Variants in CFAP97 observed in about 807,000 individuals in gnomAD.
CFAP97 encodes the protein cilia- and flagella-associated protein 97.
CFAP97 carries 36 observed loss-of-function variants against 43.1 expected under a neutral mutation model. That is an observed-to-expected ratio of 0.84 (90% confidence interval 0.64 to 1.10). CFAP97 has a LOEUF of 1.10. CFAP97 is among the 50% of genes least tolerant of loss of function. CFAP97 has a pLI of 0.00. For missense variants in CFAP97, 657 were observed against 620.3 expected (o/e 1.06, Z -0.63); for synonymous variants, 228 against 225.7 (o/e 1.01, Z -0.09).
intron 2 of CFAP97, chr4:185,182,646 C>G (rs1049591118): frequency 6.6e-6 from 1 of 152,212 alleles, no homozygotes; most frequent in Non-Finnish European, 1.5e-5. Flanking sequence ...GTCGGTAACA[C>G]CCAGAAGCCT....
At position 185,198,357 on chromosome 4, in the gene CFAP97, C is replaced by T. The variant is rs570426347; in HGVS notation, c.-17+5541G>A. 4.0e-5 allele frequency among the ~76,000 whole-genome samples: 6 copies of T among 151,644 alleles called. No homozygotes were observed. In the South Asian group the frequency reaches 1.3e-3, roughly 32 times the overall value. On this transcript the variant is annotated intron_variant, in intron 1 of 4. Coordinates refer to ENST00000458385, the MANE Select transcript of CFAP97 (RefSeq NM_020827.3). ...ACTTGGGAGGCTGAGGCACAAGAAT[C>T]CTTTGAACTGGGAAGGCAGAAGCTG...
rs1461132835 is a variant in CFAP97 at position 185,161,204 on chromosome 4, A to G, written c.*1594T>C. ...CATCGAATAACATTGAATGAAAATT[A>G]TGGCCCCCAAAAGCAGAACCTCAAA... On this transcript the variant is annotated 3_prime_UTR_variant, in exon 5 of 5. Transcript: ENST00000458385. The G allele has an allele frequency of 6.6e-6, 1 of 152,160 alleles. No individual in the cohort carries two copies. Among genetic ancestry groups the G allele is most frequent in the Non-Finnish European group, 1.5e-5 (1 of 68,028 alleles). The allele number at this position is 152,160 out of a possible 1,614,324, so 9.4% of individuals were successfully genotyped here.
chr4:185,196,021 A>C (rs1261898866), intron 1 of CFAP97, among the ~76,000 whole-genome samples: 1 of 152,220 alleles, frequency 6.6e-6, no homozygotes, highest in Non-Finnish European at 1.5e-5. Flanking sequence ...TTGCAATTAA[A>C]AATTTTAAAT....
Position 185,162,824 on chromosome 4 carries a change from G to A in CFAP97, c.1573C>T (p.Pro525Ser). The A allele has an allele frequency of 6.2e-7, 1 of 1,613,116 alleles. No individual in the cohort carries two copies. Among genetic ancestry groups the A allele is most frequent in the South Asian group, 1.1e-5 (1 of 90,700 alleles). The change falls in exon 5 of 5, where the codon CCT (proline) becomes TCT (serine). Residue 525 changes from proline to serine, a missense_variant. Physicochemically the swap from Pro to Ser is moderately conservative, Grantham distance 74. Coordinates refer to ENST00000458385, the MANE Select transcript of CFAP97 (RefSeq NM_020827.3). ...SGHPRRRPKPPNVRTAWL is the reference protein window; with the variant it reads ...SGHPRRRPKPSNVRTAWL ...TATAACCAAGCTGTACGGACATTAG[G>A]GGGTTTAGGTCTTCTTCGAGGGTGG...
intron 3 of CFAP97, among the ~76,000 whole-genome samples, chr4:185,165,367 G>T (rs1164786121): frequency 8.4e-6 from 1 of 118,410 alleles, no homozygotes; most frequent in African/African-American, 3.1e-5. Flanking sequence ...CAATAACATG[G>T]TAATTTTTTT....
At position 185,162,668 on chromosome 4, in the gene CFAP97, A is replaced by G. The variant is rs970888391; in HGVS notation, c.*130T>C. 16 of 976,318 alleles carry G rather than the reference A, an allele frequency of 1.6e-5. No individual in the cohort carries two copies. Among genetic ancestry groups the G allele is most frequent in the Non-Finnish European group, 2.4e-5 (16 of 659,682 alleles). 60.5% of individuals were successfully genotyped at this position (976,318 alleles called of 1,614,324 possible). ...ATAATTTTGCACTGAATAACAATAC[A>G]TTACAACTCACTGTTGTACACCTTC... On this transcript the variant is annotated 3_prime_UTR_variant, in exon 5 of 5. Coordinates refer to ENST00000458385, the MANE Select transcript of CFAP97 (RefSeq NM_020827.3).
At position 185,190,510 on chromosome 4, in the gene CFAP97, C is replaced by T. The variant is rs769383688; in HGVS notation, c.687G>A (p.Ser229=). The change falls in exon 2 of 5, where the codon TCG becomes TCA. Residue 229 remains serine (S), a synonymous_variant. Transcript: ENST00000458385. ...PKHKYKSGIK[S]TETQPSSTTP... ...TAGTACTTGAAGGCTGTGTTTCTGTCGATTTTATTCCTGATTTATACTTGT... is the reference window on the plus strand; with the variant it reads ...TAGTACTTGAAGGCTGTGTTTCTGTTGATTTTATTCCTGATTTATACTTGT... The T allele has an allele frequency of 4.3e-6, 7 of 1,613,712 alleles. No individual in the cohort carries two copies. Among genetic ancestry groups the T allele is most frequent in the African/African-American group, 2.7e-5 (2 of 74,886 alleles).
chr4:185,207,911 A>C (rs926396128), upstream of CFAP97: 14 of 152,226 alleles, frequency 9.2e-5, no homozygotes, highest in African/African-American at 3.1e-4. Context: ...TAAATTTATC[A>C]TAAAGAATTC....
Position 185,192,948 on chromosome 4 carries a change from T to G in CFAP97, c.-16-1736A>C, listed in dbSNP as rs554700052. 2.6e-4 allele frequency among the ~76,000 whole-genome samples: 39 copies of G among 152,130 alleles called. No individual in the cohort carries two copies. In the Middle Eastern group the frequency reaches 0.01, roughly 40 times the overall value. On this transcript the variant is annotated intron_variant, in intron 1 of 4. Coordinates refer to ENST00000458385, the MANE Select transcript of CFAP97 (RefSeq NM_020827.3). The stretch of plus-strand genomic sequence containing the variant: ...GTAGAGACGGGGTTTCACCGTGTTA[T>G]CCAGGATGGCCTGGATCTCCTGACC...
intron 2 of CFAP97, among the ~76,000 whole-genome samples, chr4:185,178,370 C>A (rs776356880): frequency 1.3e-5 from 2 of 150,476 alleles, no homozygotes; most frequent in Non-Finnish European, 2.9e-5. Flanking sequence ...GCCTCAGCCT[C>A]CTGAGTAGCT....
intron 4 of CFAP97, 108 bp from the exon 5 acceptor site, chr4:185,163,033 C>A: frequency 1.0e-6 from 1 of 967,768 alleles, no homozygotes; most frequent in East Asian, 3.2e-5. Flanking sequence ...TGCTATGATT[C>A]TCGACTAGGA....
rs573746441 is a variant in CFAP97, at chr4:185,195,122, C to T, written c.-16-3910G>A. On this transcript the variant is annotated intron_variant, in intron 1 of 4. Transcript: ENST00000458385. ...AGAGGAAAATGAATAAATAAAATGT[C>T]GTGTAAGCACATATCTGCCAAAAAG... Among the ~76,000 whole-genome samples the T allele has an allele frequency of 2.6e-5, 4 of 152,206 alleles. No individual in the cohort carries two copies. In the South Asian group the frequency reaches 6.2e-4, roughly 24 times the overall value.
chr4:185,169,551 T>A (rs561657665), intron 3 of CFAP97: 1 of 930,410 alleles, frequency 1.1e-6, no homozygotes, highest in African/African-American at 1.8e-5. Context: ...TACAGCAGTA[T>A]GAAAATGGAC....
At position 185,189,260 on chromosome 4, in the gene CFAP97, A is replaced by G. The variant is rs191558197; in HGVS notation, c.1054+883T>C. On this transcript the variant is annotated intron_variant, in intron 2 of 4. Transcript: ENST00000458385. ...TCAAAAACAAAAAACAAAACCTACA[A>G]AAGTGGCAACATCAAGTGTGAACTG... Among the ~76,000 whole-genome samples the G allele has an allele frequency of 2.0e-5, 3 of 152,272 alleles. No individual in the cohort carries two copies. In the East Asian group the frequency reaches 5.8e-4, roughly 29 times the overall value.
In CFAP97 at chr4:185,162,360, A is replaced by C. The variant is rs1310596180; in HGVS notation, c.*438T>G. 5.9e-6 allele frequency: 1 copy of C among 168,796 alleles called. No individual in the cohort carries two copies. The highest frequency in any genetic ancestry group is 1.3e-5 in the Non-Finnish European group (1 of 78,436). The allele number at this position is 168,796 out of a possible 1,614,324, so 10.5% of individuals were successfully genotyped here. A position where few individuals can be genotyped will look rare whatever the true frequency, so the allele number is the denominator to read the frequency against. On this transcript the variant is annotated 3_prime_UTR_variant, in exon 5 of 5. Coordinates refer to ENST00000458385, the MANE Select transcript of CFAP97 (RefSeq NM_020827.3). ...AAATCTCATACAATCGAGCTATGTC[A>C]TGCCACATAAGTTCTAAAGCAAATG...
chr4:185,168,042 T>C (rs1478951751), intron 3 of CFAP97, among the ~76,000 whole-genome samples: 1 of 151,610 alleles, frequency 6.6e-6, no homozygotes, highest in Non-Finnish European at 1.5e-5. Flanking sequence ...ATTAGTGGTA[T>C]TGTTAATATT....
intron 2 of CFAP97, among the ~76,000 whole-genome samples, chr4:185,183,185 AATATGGCTGTTAACTTG>A (rs1281513375): frequency 6.6e-6 from 1 of 152,190 alleles, no homozygotes; most frequent in Non-Finnish European, 1.5e-5. Context: ...ACTCTCACCT[AATATGGCTGTTAACTTG>A]CAAAATTTTT....
intron 3 of CFAP97, among the ~76,000 whole-genome samples, chr4:185,168,575 GAGAC>G (rs1735161932): frequency 6.6e-6 from 1 of 151,386 alleles, no homozygotes; most frequent in Non-Finnish European, 1.5e-5. Flanking sequence ...TCCAGCCTGG[GAGAC>G]AGAAAGACTC....
At chr4:185,198,106 G>GATT (rs1736639297) in intron 1 of CFAP97, among the ~76,000 whole-genome samples, 1 of 152,176 alleles carries the variant, frequency 6.6e-6, no homozygotes, top group Admixed American at 6.5e-5. Context: ...AGACGATGTA[G>GATT]AAATCTCAAG....
Sources: allele counts gnomAD v4.1 joint callset (sites outside exome capture counted in the v4.1 genomes callset), GRCh38; gene constraint gnomAD v4.1.1; transcripts MANE v1.5; gene names NCBI Gene and HGNC (gene_info 2026-07-23, HGNC 2026-07-21).